The following TENM3 variants were observed in gnomAD, a reference collection of about 807,000 sequenced individuals.
TENM3 encodes the protein teneurin transmembrane protein 3.
TENM3 carries 63 observed loss-of-function variants against 255.1 expected under a neutral mutation model. The observed-to-expected ratio is 0.25, with a 90% CI of 0.20 to 0.30. The LOEUF (loss-of-function observed/expected upper bound fraction) is 0.30. Ranked by LOEUF, TENM3 falls within the 10% of genes least tolerant of loss-of-function variation. TENM3 has a pLI of 1.00. For missense variants in TENM3, 2,929 were observed against 3,461.1 expected, an observed-to-expected ratio of 0.85 and a Z score of 3.86; for synonymous variants, 1,306 against 1,322.3, an observed-to-expected ratio of 0.99 and a Z score of 0.27.
In TENM3 at chr4:182,777,854, G is replaced by GTT. The variant is rs531492297; in HGVS notation, c.5304+2702_5304+2703dup. ...AATACAGCATATATATATATATGCT[G>GTT]TTATATATATATATATATATGTTTA... On this transcript the variant is annotated intron_variant, in intron 24 of 27. Coordinates refer to ENST00000511685, the MANE Select transcript of TENM3 (RefSeq NM_001080477.4). 2.7e-3 allele frequency among the ~76,000 whole-genome samples: 325 copies of GTT among 121,866 alleles called. 1 individual carries two copies. The highest frequency in any genetic ancestry group is 0.012 in the African/African-American group (289 of 23,824). The allele number at this position is 121,866 out of a possible 152,430, so 79.9% of individuals were successfully genotyped here.
the TENM3 span, among the ~76,000 whole-genome samples, chr4:181,471,311 T>A: frequency 1.3e-5 from 2 of 152,182 alleles, no homozygotes; most frequent in Non-Finnish European, 2.9e-5. Context: ...CAATTCAAAT[T>A]TCAGATTCCA....
chr4:181,950,345 G>T, the TENM3 span, among the ~76,000 whole-genome samples: 2 of 151,914 alleles, frequency 1.3e-5, no homozygotes, highest in African/African-American at 4.8e-5. Flanking sequence ...GCCCGCCTGC[G>T]CCCAGGTGAA....
the TENM3 span, among the ~76,000 whole-genome samples, chr4:181,550,178 C>T: frequency 6.6e-6 from 1 of 152,110 alleles, no homozygotes. Context: ...GAAGGGACTA[C>T]AGTAATGTTC....
chr4:182,193,265 G>A (rs1753632411), intron 1 of TENM3, among the ~76,000 whole-genome samples: 1 of 152,154 alleles, frequency 6.6e-6, no homozygotes, highest in Non-Finnish European at 1.5e-5. Flanking sequence ...TCATTAAATT[G>A]TTTGTTAAAT....
At chr4:182,513,240 A>G (rs1737592954) in intron 3 of TENM3, among the ~76,000 whole-genome samples, 1 of 152,210 alleles carries the variant, frequency 6.6e-6, no homozygotes, top group Admixed American at 6.5e-5. Context: ...AAGAAAAACC[A>G]TATTCGTACG....
the TENM3 span, among the ~76,000 whole-genome samples, chr4:181,780,480 GTTGT>G: frequency 6.6e-6 from 1 of 152,104 alleles, no homozygotes; most frequent in African/African-American, 2.4e-5. Context: ...TTTTGATGGG[GTTGT>G]TTGTTTTTTT....
At chr4:181,634,258 G>A in the TENM3 span, among the ~76,000 whole-genome samples, 8,349 of 151,950 alleles carry the variant, frequency 0.055, 778 homozygotes, top group African/African-American at 0.19. Context: ...TTGAAAGTTC[G>A]CCCTGTGTAA....
At position 182,799,591 on chromosome 4, in the gene TENM3, C is replaced by T. The variant is rs540304773; in HGVS notation, c.7345-5C>T. 6.5e-7 allele frequency: 1 copy of T among 1,536,372 alleles called. No individual in the cohort carries two copies. The highest frequency in any genetic ancestry group is 1.2e-5 in the South Asian group (1 of 83,936). Reference sequence around the variant, plus strand: ...GACGCGCCCCCTCTTTTGTTTCGCCCGCAGCCCATCTTCGGAGTCCAGCAG... The same window carrying T: ...GACGCGCCCCCTCTTTTGTTTCGCCTGCAGCCCATCTTCGGAGTCCAGCAG... On this transcript the variant is annotated splice_polypyrimidine_tract_variant and splice_region_variant and intron_variant, in intron 27 of 27. Transcript: ENST00000511685. This position sits in a 1 kb window ranked among gnomAD's most constrained non-coding sequence, Gnocchi z 4.2.
the TENM3 span, among the ~76,000 whole-genome samples, chr4:181,517,753 C>G: frequency 6.6e-6 from 1 of 152,192 alleles, no homozygotes; most frequent in South Asian, 2.1e-4. Context: ...ACCAAATTTT[C>G]TCCCACATGC....
the TENM3 span, among the ~76,000 whole-genome samples, chr4:181,587,841 T>A: frequency 6.6e-6 from 1 of 152,142 alleles, no homozygotes; most frequent in Non-Finnish European, 1.5e-5. Flanking sequence ...CCTTCATCTT[T>A]GTTATATTAT....
At chr4:181,924,839 G>A in the TENM3 span, among the ~76,000 whole-genome samples, 1 of 152,092 alleles carries the variant, frequency 6.6e-6, no homozygotes, top group Admixed American at 6.6e-5. Flanking sequence ...CTCATACTGT[G>A]ACATTGATTG....
chr4:182,002,199 T>A, the TENM3 span, among the ~76,000 whole-genome samples: 1 of 152,074 alleles, frequency 6.6e-6, no homozygotes, highest in East Asian at 1.9e-4. Flanking sequence ...TAGACAGAAG[T>A]TTTTCTCCAA....
In TENM3 at chr4:182,205,392, T is replaced by C. The variant is rs570005244; in HGVS notation, c.-76+60638T>C. 3.5e-4 allele frequency among the ~76,000 whole-genome samples: 53 copies of C among 152,366 alleles called. 1 individual carries two copies. In the East Asian group the frequency reaches 0.01, roughly 29 times the overall value. On this transcript the variant is annotated intron_variant, in intron 1 of 2. Transcript: ENST00000512480. ...CCTGGGTCTTTGCTTGACTTAGAGC[T>C]TCTCTCTGTCTTCAGGCCCACCTCT...
chr4:181,881,707 A>C, the TENM3 span, among the ~76,000 whole-genome samples: 1 of 152,176 alleles, frequency 6.6e-6, no homozygotes, highest in Non-Finnish European at 1.5e-5. Context: ...GGAGACTTAC[A>C]GAACTATGAC....
the TENM3 span, among the ~76,000 whole-genome samples, chr4:181,564,115 A>G: frequency 7.1e-6 from 1 of 141,592 alleles, no homozygotes; most frequent in Admixed American, 7.8e-5. Context: ...ATCTCAGCTC[A>G]CTGCAACCTC....
chr4:182,057,607 C>T, the TENM3 span, among the ~76,000 whole-genome samples: 1 of 151,688 alleles, frequency 6.6e-6, no homozygotes, highest in Non-Finnish European at 1.5e-5. Flanking sequence ...CACTATGTTG[C>T]CCAGGCTGGT....
At chr4:182,339,963 C>A (rs114522293) in intron 2 of TENM3, among the ~76,000 whole-genome samples, 5,453 of 152,032 alleles carry the variant, frequency 0.036, 217 homozygotes, top group African/African-American at 0.098. Context: ...TTTGCTAAAG[C>A]TTTTTTTATG....
At chr4:181,728,487 G>C in the TENM3 span, among the ~76,000 whole-genome samples, 1 of 152,214 alleles carries the variant, frequency 6.6e-6, no homozygotes, top group Admixed American at 6.5e-5. Flanking sequence ...CCCTGGAACT[G>C]AGGGTCCCTC....
In TENM3 at chr4:182,792,645, T is replaced by C. The variant is rs1435376873; in HGVS notation, c.5973T>C (p.Ile1991=). Residue 1991 remains isoleucine (I), a synonymous_variant, in exon 26 of 28, where the codon ATT becomes ATC. Transcript: ENST00000511685. This position sits in a 1 kb window ranked among gnomAD's most constrained non-coding sequence, Gnocchi z 6.3. The stretch of plus-strand genomic sequence containing the variant: ...AGAGTGATGGTTTTATTTGCACCAT[T>C]AGATACAGGCAAATTGGTCCCCTGA... ...NLQSDGFICT[I]RYRQIGPLID... is the part of the protein sequence containing the mutation. 2 of 1,613,994 alleles carry C rather than the reference T, an allele frequency of 1.2e-6. No homozygotes were observed. The highest frequency in any genetic ancestry group is 8.5e-7 in the Non-Finnish European group (1 of 1,179,896).
Sources: allele counts gnomAD v4.1 joint callset (sites outside exome capture counted in the v4.1 genomes callset), GRCh38; gene constraint gnomAD v4.1.1; non-coding constraint Gnocchi (gnomAD v3.1); transcripts MANE v1.5; gene names NCBI Gene and HGNC (gene_info 2026-07-23, HGNC 2026-07-21).